The following RORB variants were observed in gnomAD, a reference collection of about 807,000 sequenced individuals.
RORB encodes the protein nuclear receptor ROR-beta.
Under a neutral mutation model 59.1 loss-of-function variants are expected in RORB, and 6 were observed. That is an observed-to-expected ratio of 0.10 (90% confidence interval 0.06 to 0.20). The LOEUF is 0.20. RORB is among the 10% of genes least tolerant of loss of function. RORB has a pLI of 1.00. For synonymous variants in RORB, 215 were observed against 204.5 expected (o/e 1.05, Z -0.44); for missense variants, 320 against 560.5 (o/e 0.57, Z 4.33).
chr9:74,661,772 G>T (rs921650802), intron 5 of RORB, among the ~76,000 whole-genome samples: 21 of 145,938 alleles, frequency 1.4e-4, no homozygotes, highest in Non-Finnish European at 2.8e-4. Flanking sequence ...AGCCTCCCGA[G>T]TAGCTGGGAC....
At chr9:74,634,817 G>C in intron 3 of RORB, 45 bp downstream of exon 3, 1 of 1,557,340 alleles carries the variant, frequency 6.4e-7, no homozygotes, top group Non-Finnish European at 8.7e-7. Context: ...CTTTCAAATG[G>C]ATGCTTTGCT....
At chr9:74,650,764 T>G (rs924968308) in intron 4 of RORB, among the ~76,000 whole-genome samples, 1 of 152,182 alleles carries the variant, frequency 6.6e-6, no homozygotes, top group Non-Finnish European at 1.5e-5. Context: ...ACCACTATTT[T>G]AAAGCTTTAG....
intron 9 of RORB, among the ~76,000 whole-genome samples, chr9:74,674,250 T>G (rs746958199): frequency 2.0e-5 from 3 of 152,194 alleles, no homozygotes; most frequent in Non-Finnish European, 2.9e-5. Context: ...GTCATGGAGC[T>G]CTTCTGCCTT....
chr9:74,608,542 C>T (rs1823184893), intron 1 of RORB, among the ~76,000 whole-genome samples: 3 of 128,498 alleles, frequency 2.3e-5, no homozygotes, highest in South Asian at 5.1e-4. Flanking sequence ...CCAGCCTGGG[C>T]AACAGAGTGA....
chr9:74,572,894 G>A (rs947205666), intron 1 of RORB, among the ~76,000 whole-genome samples: 1 of 152,160 alleles, frequency 6.6e-6, no homozygotes, highest in East Asian at 1.9e-4. Flanking sequence ...AGAATGTGAG[G>A]AAATTGCATA....
At chr9:74,635,331 G>C (rs1229782599) in intron 3 of RORB, among the ~76,000 whole-genome samples, 1 of 152,136 alleles carries the variant, frequency 6.6e-6, no homozygotes, top group Non-Finnish European at 1.5e-5. Flanking sequence ...TCTTAGAAAG[G>C]CTGTGTAGGT....
intron 5 of RORB, 55 bp downstream of exon 5, chr9:74,660,793 C>T: frequency 6.4e-7 from 1 of 1,563,596 alleles, no homozygotes; most frequent in Non-Finnish European, 8.7e-7. Flanking sequence ...TGCTGTGTTG[C>T]TCAAGCTCAG....
intron 1 of RORB, among the ~76,000 whole-genome samples, chr9:74,581,960 A>T (rs1203511732): frequency 6.6e-6 from 1 of 152,206 alleles, no homozygotes; most frequent in Non-Finnish European, 1.5e-5. Flanking sequence ...CTTAAAGTCT[A>T]TACTCATGAA....
At chr9:74,533,288 C>G (rs1316657990) in intron 1 of RORB, among the ~76,000 whole-genome samples, 1 of 151,942 alleles carries the variant, frequency 6.6e-6, no homozygotes, top group Admixed American at 6.6e-5. Context: ...CTGGGGCTTT[C>G]CTCATATTTA....
intron 1 of RORB, among the ~76,000 whole-genome samples, chr9:74,606,823 A>C (rs1032264710): frequency 2.6e-5 from 4 of 152,332 alleles, no homozygotes; most frequent in African/African-American, 7.2e-5. Flanking sequence ...ACAGAAAGAA[A>C]AGAAACAGAC....
intron 4 of RORB, among the ~76,000 whole-genome samples, chr9:74,655,925 T>TAGTGAGAGAAA (rs1207189377): frequency 6.6e-6 from 1 of 152,210 alleles, no homozygotes; most frequent in African/African-American, 2.4e-5. Context: ...GGTGGAGGAA[T>TAGTGAGAGAAA]GTGTCTGCAA....
At chr9:74,568,707 A>AG (rs1822505024) in intron 1 of RORB, among the ~76,000 whole-genome samples, 1 of 151,616 alleles carries the variant, frequency 6.6e-6, no homozygotes, top group Non-Finnish European at 1.5e-5. Flanking sequence ...CTCAAAAAAA[A>AG]AAAAAAAGAA....
Position 74,642,777 on chromosome 9 carries a change from A to T in RORB, c.599A>T (p.Asn200Ile). The T allele has an allele frequency of 6.2e-7, 1 of 1,608,118 alleles. No homozygotes were observed. The highest frequency in any genetic ancestry group is 2.2e-5 in the East Asian group (1 of 44,736). The change falls in exon 4 of 10, where the codon AAT becomes ATT. Residue 200 changes from asparagine to isoleucine, a missense_variant. Physicochemically the swap from Asn to Ile is moderately radical, Grantham distance 149 (BLOSUM62 -3). Around this residue, in one of 4 missense-constraint regions of RORB, gnomAD observed 134 missense variants for 156.2 expected, o/e 0.86. Transcript: ENST00000376896. ...TTGTTTACCTATAGCTCTTTCAACA[A>T]TGGGCAGTTAGCACCAGGGATAACC... ...PNLFTYSSFN[N>I]GQLAPGITMT...
intron 2 of RORB, among the ~76,000 whole-genome samples, chr9:74,633,079 T>G (rs1370789689): frequency 6.6e-6 from 1 of 152,214 alleles, no homozygotes; most frequent in African/African-American, 2.4e-5. Context: ...CCTCACAGGT[T>G]GATCAAGCTC....
chr9:74,546,013 G>C (rs145257065), intron 1 of RORB, among the ~76,000 whole-genome samples: 219 of 152,312 alleles, frequency 1.4e-3, no homozygotes, highest in African/African-American at 5.1e-3. Context: ...TAGTCCAGGA[G>C]AGTGATACTA....
chr9:74,523,520 C>G (rs1826111971), intron 1 of RORB, among the ~76,000 whole-genome samples: 1 of 151,860 alleles, frequency 6.6e-6, no homozygotes, highest in South Asian at 2.1e-4. Context: ...TATTTACAAG[C>G]CATGGATCTG....
chr9:74,646,706 A>G (rs1417219430), intron 4 of RORB, among the ~76,000 whole-genome samples: 1 of 152,210 alleles, frequency 6.6e-6, no homozygotes, highest in Non-Finnish European at 1.5e-5. Flanking sequence ...GTTAAGGTTA[A>G]GTCACTGTCC....
At chr9:74,608,757 C>G (rs750523458) in intron 1 of RORB, among the ~76,000 whole-genome samples, 5 of 152,142 alleles carry the variant, frequency 3.3e-5, no homozygotes, top group Non-Finnish European at 7.3e-5. Flanking sequence ...AATAATTTTA[C>G]TACTAATTAA....
chr9:74,534,667 G>T (rs748348846), intron 1 of RORB, among the ~76,000 whole-genome samples: 5 of 151,906 alleles, frequency 3.3e-5, no homozygotes, highest in Non-Finnish European at 7.4e-5. Flanking sequence ...TTGAACCCCA[G>T]TGCCACCATA....
Sources: allele counts gnomAD v4.1 joint callset (sites outside exome capture counted in the v4.1 genomes callset), GRCh38; gene constraint gnomAD v4.1.1; regional missense constraint gnomAD v4.1.1; transcripts MANE v1.5; gene names NCBI Gene and HGNC (gene_info 2026-07-23, HGNC 2026-07-21).